ARHGAP44: variants seen among roughly 807,000 people sequenced by gnomAD.
The protein encoded by ARHGAP44 is rho GTPase-activating protein 44.
ARHGAP44 carries 43 observed loss-of-function variants against 106.8 expected under a neutral mutation model. That is an observed-to-expected ratio of 0.40 (90% CI 0.32 to 0.52). ARHGAP44 has a LOEUF of 0.52. Ranked by LOEUF, ARHGAP44 falls within the 20% of genes least tolerant of loss-of-function variation. The pLI, the probability that ARHGAP44 is intolerant of heterozygous loss-of-function variation, is 0.48. For synonymous variants in ARHGAP44, 439 were observed against 410.3 expected, an observed-to-expected ratio of 1.07 and a Z score of -0.85; for missense variants, 866 against 1,050.5, an observed-to-expected ratio of 0.82 and a Z score of 2.43.
In ARHGAP44 at chr17:12,919,715, G is replaced by A. The variant is rs1339353649; in HGVS notation, c.388-40G>A. 3.2e-6 allele frequency: 5 copies of A among 1,562,262 alleles called. No homozygotes were observed. The African/African-American group carries it at 6.8e-5, about 21-fold the overall frequency. ...ATGGTTCCTAAAGAATTTATCTTGA[G>A]CTTCAGTTTAATTGTATCTTTTATG... On this transcript the variant is annotated intron_variant, in intron 5 of 20. Transcript: ENST00000379672.
At chr17:12,794,391 A>G (rs1392832563) in intron 1 of ARHGAP44, among the ~76,000 whole-genome samples, 1 of 152,090 alleles carries the variant, frequency 6.6e-6, no homozygotes, top group Admixed American at 6.5e-5. Flanking sequence ...GTCCTCAACA[A>G]ATGGTTGAGG....
intron 1 of ARHGAP44, among the ~76,000 whole-genome samples, chr17:12,850,568 C>T (rs549367417): frequency 6.6e-6 from 1 of 151,684 alleles, no homozygotes; most frequent in Non-Finnish European, 1.5e-5. Flanking sequence ...CTCCACATCA[C>T]CATGGGGTGG....
Position 12,903,140 on chromosome 17 carries a change from AGTGTGTGT to A in ARHGAP44, c.199-5718_199-5711del, listed in dbSNP as rs546197652. Among the ~76,000 whole-genome samples, 128 of 57,572 alleles carry A rather than the reference AGTGTGTGT, an allele frequency of 2.2e-3. 1 individual carries two copies. Among genetic ancestry groups the A allele is most frequent in the African/African-American group, 3.9e-3 (62 of 16,020 alleles). The allele number at this position is 57,572 out of a possible 152,430, so 37.8% of individuals were successfully genotyped here. ...AGAGAGAGAGAGGAGAGAGAGAGAG[AGTGTGTGT>A]GTGTGTGTGTGTGTGTGTGTGTGTG... On this transcript the variant is annotated intron_variant, in intron 3 of 20. Transcript: ENST00000379672.
Position 12,984,521 on chromosome 17 carries a change from T to C in ARHGAP44, c.1940-10T>C, listed in dbSNP as rs1178745152. ...TGTGTTTTGTTGTTGTGTTGTGTTT[T>C]CTCTTTCAGTTTCAAAGAAGCTGGC... On this transcript the variant is annotated splice_polypyrimidine_tract_variant and intron_variant, in intron 19 of 20. Transcript: ENST00000379672. 1 of 1,511,406 alleles carries C rather than the reference T, an allele frequency of 6.6e-7. No individual in the cohort carries two copies. The highest frequency in any genetic ancestry group is 8.8e-7 in the Non-Finnish European group (1 of 1,135,164). 93.6% of individuals were successfully genotyped at this position (1,511,406 alleles called of 1,614,324 possible). A position where few individuals can be genotyped will look rare whatever the true frequency, so the allele number is the denominator to read the frequency against.
chr17:12,830,809 C>G (rs2035065051), intron 1 of ARHGAP44, among the ~76,000 whole-genome samples: 1 of 152,166 alleles, frequency 6.6e-6, no homozygotes, highest in Non-Finnish European at 1.5e-5. Context: ...TTAATTTACA[C>G]ACAATGATTA....
chr17:12,817,036 A>T (rs1478043300), intron 1 of ARHGAP44, among the ~76,000 whole-genome samples: 1 of 152,158 alleles, frequency 6.6e-6, no homozygotes, highest in East Asian at 1.9e-4. Context: ...TAAATTTTTA[A>T]CTGATTTTAA....
intron 7 of ARHGAP44, among the ~76,000 whole-genome samples, chr17:12,933,884 T>C (rs889106485): frequency 6.6e-6 from 1 of 151,026 alleles, no homozygotes; most frequent in South Asian, 2.1e-4. Context: ...TGTCTGGCTC[T>C]GTCGCCCAGG....
intron 1 of ARHGAP44, among the ~76,000 whole-genome samples, chr17:12,835,646 A>G (rs954470558): frequency 6.6e-6 from 1 of 152,232 alleles, no homozygotes; most frequent in Non-Finnish European, 1.5e-5. Flanking sequence ...AAAAATTGTG[A>G]AAAACATATG....
intron 1 of ARHGAP44, among the ~76,000 whole-genome samples, chr17:12,845,979 A>G (rs916777926): frequency 1.1e-4 from 16 of 152,186 alleles, no homozygotes; most frequent in African/African-American, 3.9e-4. Context: ...TTCCGGTATT[A>G]AAAAATCTAT....
chr17:12,847,598 CCG>C (rs2035606982), intron 1 of ARHGAP44, among the ~76,000 whole-genome samples: 1 of 150,214 alleles, frequency 6.7e-6, no homozygotes, highest in Non-Finnish European at 1.5e-5. Flanking sequence ...ACTGCAAGCT[CCG>C]CCTCCTGGGT....
chr17:12,924,809 C>T (rs1261986202), intron 6 of ARHGAP44, among the ~76,000 whole-genome samples: 1 of 152,144 alleles, frequency 6.6e-6, no homozygotes, highest in Non-Finnish European at 1.5e-5. Context: ...AGGTCTCCAG[C>T]CTCTGTCTTG....
At chr17:12,900,169 G>A (rs553686844) in intron 3 of ARHGAP44, among the ~76,000 whole-genome samples, 14 of 149,818 alleles carry the variant, frequency 9.3e-5, no homozygotes, top group South Asian at 4.2e-4. Context: ...TTGCTCTGTC[G>A]CCCAGGCTGG....
At chr17:12,806,542 G>A (rs1385785950) in intron 1 of ARHGAP44, among the ~76,000 whole-genome samples, 1 of 152,104 alleles carries the variant, frequency 6.6e-6, no homozygotes, top group Non-Finnish European at 1.5e-5. Context: ...TATAAGACAT[G>A]GTTGTGCAGA....
chr17:12,952,404 G>T, intron 12 of ARHGAP44, 97 bp from the exon 13 acceptor site: 1 of 1,002,722 alleles, frequency 1.0e-6, no homozygotes, highest in South Asian at 1.5e-5. Flanking sequence ...CAGTTACAGT[G>T]GTTGGTATCA....
chr17:12,945,065 C>T (rs1025687049), intron 10 of ARHGAP44, among the ~76,000 whole-genome samples: 3 of 151,860 alleles, frequency 2.0e-5, no homozygotes, highest in African/African-American at 7.3e-5. Context: ...GGCTGGAGTG[C>T]AGTTGCAGGA....
intron 1 of ARHGAP44, among the ~76,000 whole-genome samples, chr17:12,851,393 G>A (rs567067252): frequency 1.6e-4 from 25 of 152,200 alleles, no homozygotes; most frequent in African/African-American, 5.8e-4. Context: ...GCTTGCCGTC[G>A]AGGACCCACT....
intron 1 of ARHGAP44, among the ~76,000 whole-genome samples, chr17:12,879,617 G>A (rs1284555387): frequency 6.6e-6 from 1 of 151,046 alleles, no homozygotes; most frequent in Non-Finnish European, 1.5e-5. Context: ...CTTTAAAGAA[G>A]TGTTACAGTT....
chr17:12,806,011 C>G (rs534127099), intron 1 of ARHGAP44, among the ~76,000 whole-genome samples: 44 of 152,258 alleles, frequency 2.9e-4, no homozygotes, highest in African/African-American at 1.0e-3. Context: ...GACAGATGAC[C>G]AAGGGTGGCC....
chr17:12,989,425 T>C (rs58620328), intron 20 of ARHGAP44, among the ~76,000 whole-genome samples: 3,066 of 152,184 alleles, frequency 0.02, 111 homozygotes, highest in East Asian at 0.15. Context: ...CCGGGAAAAA[T>C]GACCTTTTAA....
Sources: allele counts gnomAD v4.1 joint callset (sites outside exome capture counted in the v4.1 genomes callset), GRCh38; gene constraint gnomAD v4.1.1; transcripts MANE v1.5; gene names NCBI Gene and HGNC (gene_info 2026-07-23, HGNC 2026-07-21).